ABCB1: variants seen among roughly 807,000 people sequenced by gnomAD.
ABCB1 encodes the protein ATP binding cassette subfamily B member 1, also known as ATP-dependent translocase ABCB1.
In ABCB1, 69 loss-of-function variants were observed where a neutral mutation model predicts 142.0. That is an observed-to-expected ratio of 0.49 (90% CI 0.40 to 0.59). ABCB1 has a LOEUF of 0.59. ABCB1 is among the 20% of genes least tolerant of loss of function. The probability of loss-of-function intolerance (pLI) is 0.00; values close to 1 mark genes in which losing one functional copy is unlikely to be tolerated. For synonymous variants in ABCB1, 532 were observed against 539.2 expected, an observed-to-expected ratio of 0.99 and a Z score of 0.18; for missense variants, 1,326 against 1,554.7, an observed-to-expected ratio of 0.85 and a Z score of 2.47.
intron 1 of ABCB1, among the ~76,000 whole-genome samples, chr7:87,642,902 T>C (rs1477274024): frequency 1.3e-5 from 2 of 152,134 alleles, no homozygotes; most frequent in Non-Finnish European, 2.9e-5. Flanking sequence ...CACATCTGTC[T>C]CTTTATTTAA....
At chr7:87,591,403 G>C (rs184829308) in intron 3 of ABCB1, among the ~76,000 whole-genome samples, 3 of 152,288 alleles carry the variant, frequency 2.0e-5, no homozygotes, top group Admixed American at 2.0e-4. Flanking sequence ...TGTCAAAAGA[G>C]GGATGATAAA....
chr7:87,512,180 TAAA>T (rs113498569), intron 25 of ABCB1, among the ~76,000 whole-genome samples: 98 of 128,886 alleles, frequency 7.6e-4, no homozygotes, highest in African/African-American at 2.6e-3. Flanking sequence ...AATTTTGCAT[TAAA>T]AAAAAAATTT....
At chr7:87,548,781 C>T (rs1816918943) in intron 14 of ABCB1, among the ~76,000 whole-genome samples, 1 of 152,178 alleles carries the variant, frequency 6.6e-6, no homozygotes, top group Non-Finnish European at 1.5e-5. Context: ...GTCATATGGA[C>T]TCCAGAATTG....
chr7:87,506,569 T>C (rs189066297), intron 26 of ABCB1, among the ~76,000 whole-genome samples: 11 of 152,298 alleles, frequency 7.2e-5, no homozygotes, highest in Non-Finnish European at 1.5e-4. Context: ...GATTCCATTT[T>C]GATATCTAAC....
rs1584886053 is a variant in ABCB1, at chr7:87,566,157, T to C, written c.615A>G (p.Ile205Met). ...QSMATFFTGF[I>M]VGFTRGWKLT... ...GCTTCCAACCACGTGTAAATCCTACTATAAACCCAGTGAAAAATGTTGCCA... is the reference window on the plus strand; with the variant it reads ...GCTTCCAACCACGTGTAAATCCTACCATAAACCCAGTGAAAAATGTTGCCA... The change falls in exon 7 of 28, where the codon ATA becomes ATG. Residue 205 changes from isoleucine to methionine, a missense_variant. Coordinates refer to ENST00000622132, the MANE Select transcript of ABCB1 (RefSeq NM_001348946.2). 4 of 1,614,090 alleles carry C rather than the reference T, an allele frequency of 2.5e-6. No individual in the cohort carries two copies. The highest frequency in any genetic ancestry group is 1.7e-5 in the Admixed American group (1 of 60,000).
Position 87,702,060 on chromosome 7 carries a change from G to A in ABCB1, c.-331+11101C>T, listed in dbSNP as rs372025902. Among the ~76,000 whole-genome samples, 239 of 142,274 alleles carry A rather than the reference G, an allele frequency of 1.7e-3. 1 individual carries two copies. The highest frequency in any genetic ancestry group is 0.013 in the South Asian group (56 of 4,344). The allele number at this position is 142,274 out of a possible 152,430, so 93.3% of individuals were successfully genotyped here. ...TGGGAGGCTGAGGCAGGAGAATGGCGTGAACCCAGGAGGCGGAGCTTGCAG... is the reference window on the plus strand; with the variant it reads ...TGGGAGGCTGAGGCAGGAGAATGGCATGAACCCAGGAGGCGGAGCTTGCAG... On this transcript the variant is annotated intron_variant, in intron 1 of 28. Transcript: ENST00000265724.
chr7:87,603,228 A>G (rs1007945204), upstream of ABCB1: 14 of 152,244 alleles, frequency 9.2e-5, no homozygotes, highest in Non-Finnish European at 1.9e-4. Flanking sequence ...AAGCACTTCA[A>G]AGAAATTAAG....
At chr7:87,663,640 C>A (rs1824936009) in intron 1 of ABCB1, among the ~76,000 whole-genome samples, 1 of 152,126 alleles carries the variant, frequency 6.6e-6, no homozygotes, top group African/African-American at 2.4e-5. Context: ...AAAAATCTTA[C>A]TGAACTTAGG....
chr7:87,626,336 G>GTATATGTGTCATA (rs1237225413), intron 1 of ABCB1, among the ~76,000 whole-genome samples: 7 of 12,156 alleles, frequency 5.8e-4, no homozygotes, highest in Admixed American at 1.3e-3. Flanking sequence ...TATATGTGTC[G>GTATATGTGTCATA]TATATGTGTC....
intron 1 of ABCB1, chr7:87,629,111 C>T (rs1393832161): frequency 1.1e-5 from 6 of 552,596 alleles, no homozygotes; most frequent in Non-Finnish European, 2.8e-6. Flanking sequence ...GACAGGGGCC[C>T]GGGTCTGGAC....
chr7:87,638,811 G>A (rs574946656), intron 1 of ABCB1, among the ~76,000 whole-genome samples: 1 of 151,982 alleles, frequency 6.6e-6, no homozygotes, highest in South Asian at 2.1e-4. Context: ...CTGTCGACTC[G>A]TGTTATGACT....
chr7:87,661,705 A>G (rs1354633206), intron 1 of ABCB1, among the ~76,000 whole-genome samples: 2 of 152,074 alleles, frequency 1.3e-5, no homozygotes, highest in Admixed American at 6.6e-5. Context: ...TAGTGCTGCA[A>G]TAAACATTGG....
Position 87,544,246 on chromosome 7 carries a change from C to T in ABCB1, c.2094G>A (p.Trp698Ter). 6.2e-7 allele frequency: 1 copy of T among 1,613,412 alleles called. No homozygotes were observed. The highest frequency in any genetic ancestry group is 8.5e-7 in the Non-Finnish European group (1 of 1,179,878). Residue 698 changes from tryptophan (W) to a stop codon, truncating the protein, a stop_gained, in exon 17 of 28, where the codon TGG (tryptophan) becomes TGA (stop). Coordinates refer to ENST00000622132, the MANE Select transcript of ABCB1 (RefSeq NM_001348946.2). LOFTEE classifies it high-confidence loss of function. ...CAGTTAAATTTAGCTTCATAATCCT[C>T]CAAAAGGAAACTGGAGGTATACTTT... Reference protein sequence around the residue: ...LDESIPPVSFWRIMKLNLTEW... With the variant: ...LDESIPPVSF
intron 1 of ABCB1, among the ~76,000 whole-genome samples, chr7:87,652,615 G>T (rs895537224): frequency 4.5e-4 from 51 of 113,446 alleles, no homozygotes; most frequent in Admixed American, 4.2e-3. Context: ...GACTCTTGTG[G>T]TCACTGATAT....
At chr7:87,642,759 C>T (rs1184441056) in intron 1 of ABCB1, among the ~76,000 whole-genome samples, 1 of 152,038 alleles carries the variant, frequency 6.6e-6, no homozygotes, top group Non-Finnish European at 1.5e-5. Flanking sequence ...GTTTGGCAAT[C>T]TGCTGTCATC....
intron 1 of ABCB1, among the ~76,000 whole-genome samples, chr7:87,668,411 T>C (rs1825485768): frequency 6.6e-6 from 1 of 152,020 alleles, no homozygotes; most frequent in Admixed American, 6.6e-5. Flanking sequence ...TGGCCTATTT[T>C]ATTAGTTTTT....
chr7:87,594,500 T>C (rs1819117358), intron 3 of ABCB1, among the ~76,000 whole-genome samples: 1 of 152,158 alleles, frequency 6.6e-6, no homozygotes. Flanking sequence ...ACTCCTAAGG[T>C]TTAAAAAAAT....
In ABCB1 at chr7:87,610,417, T is replaced by A. The variant is rs1369817631; in HGVS notation, c.-330-9339A>T. ...TGGCCTTTTTTTTTTTTTTTTTTTT[T>A]TTTTTCAGAGATAGAGTCTGCCTGT... is the stretch of plus-strand genomic sequence containing the variant. On this transcript the variant is annotated intron_variant, in intron 1 of 28. Transcript: ENST00000265724. Among the ~76,000 whole-genome samples the A allele has an allele frequency of 4.9e-4, 71 of 144,584 alleles. 1 individual carries two copies. The highest frequency in any genetic ancestry group is 8.5e-4 in the African/African-American group (33 of 38,958). The allele number at this position is 144,584 out of a possible 152,430, so 94.9% of individuals were successfully genotyped here.
chr7:87,648,000 T>C (rs2130352138), intron 1 of ABCB1, among the ~76,000 whole-genome samples: 1 of 151,812 alleles, frequency 6.6e-6, no homozygotes, highest in African/African-American at 2.4e-5. Flanking sequence ...CTGGCTAACA[T>C]GGTGAAACCC....
Sources: gnomAD v4.1 joint callset for allele counts (sites outside exome capture counted in the v4.1 genomes callset) on GRCh38, gnomAD v4.1.1 for gene constraint, MANE v1.5 for transcripts, NCBI Gene and HGNC (gene_info 2026-07-23, HGNC 2026-07-21) for gene names.